Variants in CELF2 observed in about 807,000 individuals in gnomAD.
The protein encoded by CELF2 is CUG triplet repeat RNA-binding protein 2.
In CELF2, 8 loss-of-function variants were observed where a neutral mutation model predicts 62.6. The ratio of observed to expected loss-of-function variants is 0.13; its 90% CI spans 0.07 to 0.23. CELF2 has a LOEUF of 0.23. Ranked by LOEUF, CELF2 falls within the 10% of genes least tolerant of loss-of-function variation. CELF2 has a pLI of 1.00. For missense variants in CELF2, 333 were observed against 671.0 expected, an observed-to-expected ratio of 0.50 and a Z score of 5.56; for synonymous variants, 258 against 250.0, an observed-to-expected ratio of 1.03 and a Z score of -0.30.
At chr10:10,636,532 C>A in the CELF2 span, among the ~76,000 whole-genome samples, 1 of 152,180 alleles carries the variant, frequency 6.6e-6, no homozygotes, top group Non-Finnish European at 1.5e-5. Context: ...GTGTTGACTG[C>A]ATTGTGCAAT....
chr10:11,138,841 C>T (rs929303971), intron 1 of CELF2, among the ~76,000 whole-genome samples: 2 of 152,126 alleles, frequency 1.3e-5, no homozygotes, highest in East Asian at 3.8e-4. Context: ...TGACTGAAAA[C>T]GGCCATAAAT....
At chr10:11,021,456 C>T (rs2058305365) in intron 1 of CELF2, among the ~76,000 whole-genome samples, 1 of 152,070 alleles carries the variant, frequency 6.6e-6, no homozygotes, top group Non-Finnish European at 1.5e-5. Flanking sequence ...ATTGTTAAAG[C>T]TGAAAAGGGC....
intron 1 of CELF2, among the ~76,000 whole-genome samples, chr10:10,815,624 G>T (rs911319863): frequency 1.3e-5 from 2 of 152,072 alleles, no homozygotes; most frequent in Non-Finnish European, 2.9e-5. Context: ...CTTGTTTTAG[G>T]CTCTGTCTGC....
the CELF2 span, among the ~76,000 whole-genome samples, chr10:10,546,301 C>T: frequency 5.9e-5 from 9 of 152,116 alleles, no homozygotes; most frequent in East Asian, 3.8e-4. Context: ...TTAAACCCAC[C>T]GAATTCTGAT....
intron 8 of CELF2, among the ~76,000 whole-genome samples, chr10:11,286,639 C>G (rs766858579): frequency 6.6e-6 from 1 of 152,184 alleles, no homozygotes; most frequent in Non-Finnish European, 1.5e-5. Flanking sequence ...AAAATGAGAC[C>G]AGGGCCTCTC....
chr10:10,527,340 G>C, the CELF2 span, among the ~76,000 whole-genome samples: 1 of 151,926 alleles, frequency 6.6e-6, no homozygotes, highest in Admixed American at 6.6e-5. Flanking sequence ...AGCTACTCAG[G>C]AGGCTGAGGC....
Position 10,844,197 on chromosome 10 carries a change from T to C in CELF2, c.53+45380T>C, listed in dbSNP as rs114241910. 6.4e-3 allele frequency among the ~76,000 whole-genome samples: 974 copies of C among 152,120 alleles called. 10 individuals are homozygous for C. The highest frequency in any genetic ancestry group is 0.022 in the African/African-American group (933 of 41,530). On this transcript the variant is annotated intron_variant, in intron 1 of 13. Transcript: ENST00000636488. ...TAATTTGTGACCTCTGACCAATATA[T>C]AAGAGTATACTTAATGGGGAACCTA...
the CELF2 span, among the ~76,000 whole-genome samples, chr10:10,482,901 C>A: frequency 1.2e-4 from 18 of 152,122 alleles, no homozygotes; most frequent in Admixed American, 1.2e-3. Flanking sequence ...GCTCAGAGCT[C>A]ACTGAAATTA....
the CELF2 span, among the ~76,000 whole-genome samples, chr10:10,516,149 ACCCT>A: frequency 9.9e-5 from 15 of 152,014 alleles, no homozygotes; most frequent in Non-Finnish European, 2.2e-4. Flanking sequence ...AAAAGAAAAA[ACCCT>A]AGTCCTAACT....
intron 2 of CELF2, among the ~76,000 whole-genome samples, chr10:10,981,928 CCCTCTCCTCGA>C (rs1413854886): frequency 2.0e-5 from 3 of 151,766 alleles, no homozygotes; most frequent in African/African-American, 7.3e-5. Flanking sequence ...GCCTGGTAGA[CCCTCTCCTCGA>C]CTTCCTTTTC....
chr10:10,535,400 C>T, the CELF2 span, among the ~76,000 whole-genome samples: 1 of 152,178 alleles, frequency 6.6e-6, no homozygotes, highest in Non-Finnish European at 1.5e-5. Context: ...CTTGGGTGAG[C>T]AGGAACCGTA....
At chr10:10,662,028 G>A in the CELF2 span, among the ~76,000 whole-genome samples, 4 of 152,028 alleles carry the variant, frequency 2.6e-5, no homozygotes, top group Admixed American at 2.6e-4. Flanking sequence ...GAGGCTCCTG[G>A]AGAGTTGCGG....
the CELF2 span, among the ~76,000 whole-genome samples, chr10:10,663,691 C>G: frequency 6.6e-6 from 1 of 152,162 alleles, no homozygotes; most frequent in African/African-American, 2.4e-5. Context: ...CATGTTAAGG[C>G]TGACTTTTTG....
At chr10:10,496,725 A>G in the CELF2 span, among the ~76,000 whole-genome samples, 2 of 152,278 alleles carry the variant, frequency 1.3e-5, no homozygotes, top group East Asian at 3.9e-4. Context: ...GTGAATATAC[A>G]CTGTACCCTT....
chr10:10,939,276 G>GTT (rs751170027), intron 2 of CELF2, among the ~76,000 whole-genome samples: 3,393 of 120,368 alleles, frequency 0.028, 184 homozygotes, highest in African/African-American at 0.092. Context: ...TTTGTTTTGT[G>GTT]GTGTTGTTGT....
At chr10:11,034,881 G>A (rs1330713419) in intron 1 of CELF2, among the ~76,000 whole-genome samples, 1 of 152,126 alleles carries the variant, frequency 6.6e-6, no homozygotes, top group African/African-American at 2.4e-5. Flanking sequence ...AAATTAAGAG[G>A]ATGGAATTGC....
intron 1 of CELF2, among the ~76,000 whole-genome samples, chr10:10,902,051 AT>A (rs2062975563): frequency 6.6e-6 from 1 of 152,214 alleles, no homozygotes; most frequent in Non-Finnish European, 1.5e-5. Flanking sequence ...ATATTTTTGA[AT>A]GGCTAAAATT....
intron 2 of CELF2, among the ~76,000 whole-genome samples, chr10:11,194,520 G>T (rs2056894049): frequency 6.6e-6 from 1 of 152,190 alleles, no homozygotes; most frequent in South Asian, 2.1e-4. Context: ...TCCCTGCAAA[G>T]CTGTCCTGAA....
At chr10:10,888,053 G>A (rs750206235) in intron 1 of CELF2, among the ~76,000 whole-genome samples, 4 of 152,176 alleles carry the variant, frequency 2.6e-5, no homozygotes, top group Admixed American at 1.3e-4. Context: ...GATTACAGGC[G>A]TGAGCCACCG....
Sources: gnomAD v4.1 joint callset for allele counts (sites outside exome capture counted in the v4.1 genomes callset) on GRCh38, gnomAD v4.1.1 for gene constraint, MANE v1.5 for transcripts, NCBI Gene and HGNC (gene_info 2026-07-23, HGNC 2026-07-21) for gene names.